Variants in KCNH7 observed in about 807,000 individuals in gnomAD.
KCNH7 encodes the protein potassium voltage-gated channel subfamily H member 7.
In KCNH7, 49 loss-of-function variants were observed where a neutral mutation model predicts 120.8. The observed-to-expected ratio is 0.41, with a 90% CI of 0.32 to 0.51. The LOEUF (loss-of-function observed/expected upper bound fraction) is 0.51, where lower values mean the gene tolerates loss of function less well. Among genes scored for constraint, KCNH7 ranks in the 20% least tolerant of loss-of-function variants. The pLI is 0.38. For synonymous variants in KCNH7, 547 were observed against 516.1 expected (o/e 1.06, Z -0.81); for missense variants, 1,097 against 1,446.6 (o/e 0.76, Z 3.92).
At chr2:162,763,824 G>T (rs1379682525) in intron 2 of KCNH7, among the ~76,000 whole-genome samples, 3 of 150,514 alleles carry the variant, frequency 2.0e-5, no homozygotes, top group African/African-American at 7.3e-5. Context: ...TTCATTTGCT[G>T]CCTACTATGT....
chr2:162,662,922 T>G (rs868745098), intron 2 of KCNH7, among the ~76,000 whole-genome samples: 1 of 152,200 alleles, frequency 6.6e-6, no homozygotes, highest in African/African-American at 2.4e-5. Context: ...GAATTTGAGG[T>G]CAAAAGACTT....
At chr2:162,754,286 G>A (rs575106266) in intron 2 of KCNH7, among the ~76,000 whole-genome samples, 1 of 152,002 alleles carries the variant, frequency 6.6e-6, no homozygotes, top group Non-Finnish European at 1.5e-5. Flanking sequence ...GTAGAAATGA[G>A]AAAAGGAAAA....
At chr2:162,766,097 A>C (rs576757538) in intron 2 of KCNH7, among the ~76,000 whole-genome samples, 4 of 151,670 alleles carry the variant, frequency 2.6e-5, no homozygotes, top group South Asian at 2.1e-4. Context: ...CCCTTCCTCC[A>C]TTTTAACTAC....
chr2:162,558,559 A>C (rs1692944383), intron 2 of KCNH7, among the ~76,000 whole-genome samples: 1 of 149,724 alleles, frequency 6.7e-6, no homozygotes, highest in Non-Finnish European at 1.5e-5. Flanking sequence ...TGAAGAAAAA[A>C]TGAGAACCTG....
chr2:162,760,341 AAATT>A (rs1243642891), intron 2 of KCNH7, among the ~76,000 whole-genome samples: 2 of 152,118 alleles, frequency 1.3e-5, no homozygotes, highest in African/African-American at 4.8e-5. Context: ...AAAATATTTT[AAATT>A]AATTTACATT....
intron 6 of KCNH7, among the ~76,000 whole-genome samples, chr2:162,500,347 A>ATG (rs1690641388): frequency 1.0e-5 from 1 of 97,844 alleles, no homozygotes; most frequent in Non-Finnish European, 1.9e-5. Context: ...ATAACATGTA[A>ATG]TATATAGTAT....
At chr2:162,400,080 T>G (rs1461346052) in intron 10 of KCNH7, 109 bp downstream of exon 10, 1 of 1,229,022 alleles carries the variant, frequency 8.1e-7, no homozygotes, top group African/African-American at 1.5e-5. Context: ...CCCACCATCT[T>G]AAACTGTTCT....
chr2:162,403,183 T>C (rs1338082792), intron 9 of KCNH7, among the ~76,000 whole-genome samples: 1 of 151,962 alleles, frequency 6.6e-6, no homozygotes, highest in African/African-American at 2.4e-5. Flanking sequence ...AAAATTAGTA[T>C]AATCTTTTTA....
intron 9 of KCNH7, among the ~76,000 whole-genome samples, chr2:162,411,727 T>C (rs1000009744): frequency 4.0e-5 from 6 of 151,742 alleles, no homozygotes; most frequent in Non-Finnish European, 7.4e-5. Context: ...TTAAATCAAC[T>C]ATTAAGATAT....
intron 9 of KCNH7, among the ~76,000 whole-genome samples, chr2:162,401,987 A>T (rs1330635739): frequency 6.6e-6 from 1 of 151,820 alleles, no homozygotes; most frequent in Non-Finnish European, 1.5e-5. Context: ...ACAGGAACTC[A>T]GGTTTTCATC....
intron 12 of KCNH7, among the ~76,000 whole-genome samples, chr2:162,388,525 A>G (rs924080913): frequency 6.6e-6 from 1 of 151,892 alleles, no homozygotes; most frequent in Non-Finnish European, 1.5e-5. Context: ...ATAAAGCTTG[A>G]AAAGATCAAA....
intron 9 of KCNH7, among the ~76,000 whole-genome samples, chr2:162,420,899 G>A (rs891350971): frequency 6.6e-6 from 1 of 151,994 alleles, no homozygotes; most frequent in African/African-American, 2.4e-5. Flanking sequence ...ACAATACACA[G>A]GGATTTCAAG....
In KCNH7 at chr2:162,373,102, G is replaced by T. The variant is rs1576314060; in HGVS notation, c.3324+368C>A. Reference sequence around the variant, plus strand: ...ACAGATTTTTCTTTGAAGCTCTTTTGGGACCCAGATTTTTCCTTAAAGCCC... The same window carrying T: ...ACAGATTTTTCTTTGAAGCTCTTTTTGGACCCAGATTTTTCCTTAAAGCCC... On this transcript the variant is annotated intron_variant, in intron 15 of 15. Coordinates refer to ENST00000332142, the MANE Select transcript of KCNH7 (RefSeq NM_033272.4). Among the ~76,000 whole-genome samples, 3 of 152,092 alleles carry T rather than the reference G, an allele frequency of 2.0e-5. No individual in the cohort carries two copies. The South Asian group carries it at 6.2e-4, about 32-fold the overall frequency.
At chr2:162,759,182 G>A (rs976609587) in intron 2 of KCNH7, among the ~76,000 whole-genome samples, 13 of 152,060 alleles carry the variant, frequency 8.5e-5, no homozygotes, top group Admixed American at 5.3e-4. Flanking sequence ...TGTACTCTAC[G>A]TAAAGAATAG....
intron 2 of KCNH7, among the ~76,000 whole-genome samples, chr2:162,549,408 T>C (rs1327332699): frequency 3.9e-5 from 6 of 152,256 alleles, no homozygotes; most frequent in Admixed American, 3.9e-4. Context: ...TCCTTCTTTT[T>C]GCCTGATGAC....
intron 2 of KCNH7, among the ~76,000 whole-genome samples, chr2:162,604,853 T>G (rs771832758): frequency 6.6e-6 from 1 of 152,098 alleles, no homozygotes; most frequent in Non-Finnish European, 1.5e-5. Flanking sequence ...TCCATTGACC[T>G]GCAAAGCAAG....
intron 3 of KCNH7, among the ~76,000 whole-genome samples, chr2:162,518,895 A>G (rs1691418962): frequency 1.3e-5 from 2 of 151,058 alleles, no homozygotes; most frequent in African/African-American, 4.8e-5. Flanking sequence ...CAGAAGGACA[A>G]GTAAATACAA....
chr2:162,705,045 A>T (rs1220303988), intron 2 of KCNH7, among the ~76,000 whole-genome samples: 2 of 152,222 alleles, frequency 1.3e-5, no homozygotes, highest in African/African-American at 4.8e-5. Flanking sequence ...CATGTCTATT[A>T]TCTTACATTT....
intron 2 of KCNH7, among the ~76,000 whole-genome samples, chr2:162,719,946 C>A (rs187040537): frequency 5.3e-5 from 8 of 152,074 alleles, no homozygotes; most frequent in African/African-American, 1.7e-4. Context: ...ATACTAGGAG[C>A]TGTTAGCTAT....
Sources: gnomAD v4.1 joint callset for allele counts (sites outside exome capture counted in the v4.1 genomes callset) on GRCh38, gnomAD v4.1.1 for gene constraint, MANE v1.5 for transcripts, NCBI Gene and HGNC (gene_info 2026-07-23, HGNC 2026-07-21) for gene names.